DAAM1: variants seen among roughly 807,000 people sequenced by gnomAD.
DAAM1 encodes the protein disheveled-associated activator of morphogenesis 1.
DAAM1 carries 52 observed loss-of-function variants against 130.0 expected under a neutral mutation model. The observed-to-expected ratio is 0.40, with a 90% CI of 0.32 to 0.50. DAAM1 has a LOEUF of 0.50. DAAM1 is among the 20% of genes least tolerant of loss of function. The probability of loss-of-function intolerance (pLI) is 0.61; values close to 1 mark genes in which losing one functional copy is unlikely to be tolerated. For synonymous variants in DAAM1, 452 were observed against 444.5 expected (o/e 1.02, Z -0.21); for missense variants, 1,134 against 1,303.8 (o/e 0.87, Z 2.01).
chr14:59,189,944 C>T (rs1297733045), intron 1 of DAAM1, among the ~76,000 whole-genome samples: 4 of 152,158 alleles, frequency 2.6e-5, no homozygotes, highest in Admixed American at 2.6e-4. Context: ...GAGCAAATGC[C>T]ACCGTGACCG....
At chr14:59,306,393 C>A (rs1207579736) in intron 3 of DAAM1, among the ~76,000 whole-genome samples, 1 of 152,150 alleles carries the variant, frequency 6.6e-6, no homozygotes, top group East Asian at 1.9e-4. Context: ...AGAAGGAAAG[C>A]AAATGCCTTT....
rs182499557 is a variant in DAAM1, at chr14:59,352,382, A to G, written c.2161-144A>G. The G allele has an allele frequency of 9.5e-4, 545 of 571,656 alleles. 2 individuals are homozygous for G. Among genetic ancestry groups the G allele is most frequent in the South Asian group, 7.6e-3 (254 of 33,240 alleles). The allele number at this position is 571,656 out of a possible 1,614,324, so 35.4% of individuals were successfully genotyped here. A position where few individuals can be genotyped will look rare whatever the true frequency, so the allele number is the denominator to read the frequency against. The stretch of plus-strand genomic sequence containing the variant: ...AAAATGAAAAGATTTAATCATTTCT[A>G]TTGTATCTTAACCTGTGAGCAGAGC... On this transcript the variant is annotated intron_variant, in intron 17 of 24. Coordinates refer to ENST00000360909, the MANE Select transcript of DAAM1 (RefSeq NM_001270520.2).
At chr14:59,269,500 A>G (rs889747047) in intron 2 of DAAM1, among the ~76,000 whole-genome samples, 32 of 152,290 alleles carry the variant, frequency 2.1e-4, no homozygotes, top group African/African-American at 7.2e-4. Flanking sequence ...CTCAGCATTA[A>G]ATTTCTGCAG....
chr14:59,361,004 A>G, intron 22 of DAAM1, 142 bp downstream of exon 22: 1 of 659,186 alleles, frequency 1.5e-6, no homozygotes, highest in Non-Finnish European at 2.4e-6. Flanking sequence ...CCACCACCAC[A>G]AGAAGCAAAG....
intron 17 of DAAM1, among the ~76,000 whole-genome samples, chr14:59,352,047 G>A (rs1378759696): frequency 6.6e-6 from 1 of 152,148 alleles, no homozygotes; most frequent in Non-Finnish European, 1.5e-5. Context: ...AAATGGAATG[G>A]AAACTACAAA....
intron 2 of DAAM1, among the ~76,000 whole-genome samples, chr14:59,274,076 A>C (rs1293798895): frequency 2.0e-5 from 3 of 152,160 alleles, no homozygotes; most frequent in African/African-American, 7.2e-5. Flanking sequence ...GACCAGCTAT[A>C]TCTTTTAGTT....
intron 1 of DAAM1, among the ~76,000 whole-genome samples, chr14:59,230,715 G>T (rs1268270427): frequency 4.1e-5 from 6 of 145,190 alleles, no homozygotes; most frequent in Non-Finnish European, 9.0e-5. Flanking sequence ...TAACTTAATT[G>T]TGCATTTTAA....
intron 1 of DAAM1, among the ~76,000 whole-genome samples, chr14:59,221,696 A>G (rs1281031168): frequency 6.6e-6 from 1 of 152,114 alleles, no homozygotes; most frequent in African/African-American, 2.4e-5. Flanking sequence ...CTTCTTGGTA[A>G]TCTGGATGGG....
chr14:59,280,428 C>T (rs997609148), intron 2 of DAAM1, among the ~76,000 whole-genome samples: 1 of 151,928 alleles, frequency 6.6e-6, no homozygotes, highest in South Asian at 2.1e-4. Context: ...GAGAGAGACC[C>T]TATCTCTAAA....
chr14:59,276,905 C>T (rs1001386052), intron 2 of DAAM1, among the ~76,000 whole-genome samples: 8 of 152,156 alleles, frequency 5.3e-5, no homozygotes, highest in Non-Finnish European at 1.2e-4. Flanking sequence ...CCTGCCCATT[C>T]CCCCACCTCA....
chr14:59,273,926 ATGG>A (rs1882837199), intron 2 of DAAM1, among the ~76,000 whole-genome samples: 1 of 152,172 alleles, frequency 6.6e-6, no homozygotes, highest in Non-Finnish European at 1.5e-5. Context: ...GCTCAATACC[ATGG>A]ATGGTGTTTT....
chr14:59,353,897 G>A lies in DAAM1; in HGVS notation c.2289G>A (p.Arg763=). 1.2e-6 allele frequency: 2 copies of A among 1,614,062 alleles called. No homozygotes were observed. The highest frequency in any genetic ancestry group is 1.7e-6 in the Non-Finnish European group (2 of 1,179,966). The change falls in exon 19 of 25, where the codon AGG becomes AGA. Residue 763 remains arginine (R), a synonymous_variant. Coordinates refer to ENST00000360909, the MANE Select transcript of DAAM1 (RefSeq NM_001270520.2). ...ACAGAATTAATCACTATCAGCAAAG[G>A]TTGCAATCGCTGTACTTCAAAAAGA... ...EMSRINHYQQ[R]LQSLYFKKKF... is the part of the protein sequence containing the mutation.
At chr14:59,194,688 A>C (rs1057041449) in intron 1 of DAAM1, among the ~76,000 whole-genome samples, 1 of 152,260 alleles carries the variant, frequency 6.6e-6, no homozygotes, top group East Asian at 1.9e-4. Context: ...TCAAACATGT[A>C]ATCTAATATT....
intron 2 of DAAM1, among the ~76,000 whole-genome samples, chr14:59,289,562 A>G (rs1391202556): frequency 6.6e-6 from 1 of 152,072 alleles, no homozygotes; most frequent in African/African-American, 2.4e-5. Context: ...TGTGGAAAGC[A>G]GTGTGAAGAT....
At chr14:59,230,895 G>A (rs767623022) in intron 1 of DAAM1, among the ~76,000 whole-genome samples, 10 of 152,062 alleles carry the variant, frequency 6.6e-5, no homozygotes, top group Non-Finnish European at 1.5e-4. Context: ...TAAAAAGTTT[G>A]TAAGCATTAT....
At chr14:59,247,718 TAA>T (rs74787727) in intron 1 of DAAM1, among the ~76,000 whole-genome samples, 1 of 145,660 alleles carries the variant, frequency 6.9e-6, no homozygotes, top group Non-Finnish European at 1.5e-5. Context: ...AAGCTCATGT[TAA>T]AAAAAAAAAA....
chr14:59,219,459 C>T (rs989296341), intron 1 of DAAM1, among the ~76,000 whole-genome samples: 1 of 152,166 alleles, frequency 6.6e-6, no homozygotes, highest in South Asian at 2.1e-4. Flanking sequence ...AGCAAGAACA[C>T]TTTTTATTCT....
intron 19 of DAAM1, 138 bp from the exon 20 acceptor site, chr14:59,355,027 T>TG (rs1021355185): frequency 4.2e-6 from 5 of 1,197,730 alleles, no homozygotes; most frequent in Non-Finnish European, 5.8e-6. Flanking sequence ...AAAGTGCTCT[T>TG]GGTAACCCAA....
At chr14:59,192,468 G>A (rs1404338507) in intron 1 of DAAM1, among the ~76,000 whole-genome samples, 1 of 152,142 alleles carries the variant, frequency 6.6e-6, no homozygotes, top group African/African-American at 2.4e-5. Flanking sequence ...TGTAACTGCT[G>A]TGGGGCCCTC....
Sources: gnomAD v4.1 joint callset for allele counts (sites outside exome capture counted in the v4.1 genomes callset) on GRCh38, gnomAD v4.1.1 for gene constraint, MANE v1.5 for transcripts, NCBI Gene and HGNC (gene_info 2026-07-23, HGNC 2026-07-21) for gene names.